The following HACE1 variants were observed in gnomAD, a reference collection of about 807,000 sequenced individuals.
HACE1 encodes the protein E3 ubiquitin-protein ligase HACE1.
In HACE1, 73 loss-of-function variants were observed where a neutral mutation model predicts 118.4. That is an observed-to-expected ratio of 0.62 (90% CI 0.51 to 0.75). The LOEUF (loss-of-function observed/expected upper bound fraction) is 0.75, where lower values mean the gene tolerates loss of function less well. Ranked by LOEUF, HACE1 falls within the 30% of genes least tolerant of loss-of-function variation. The pLI, the probability that HACE1 is intolerant of heterozygous loss-of-function variation, is 0.00. For synonymous variants in HACE1, 368 were observed against 374.8 expected (o/e 0.98, Z 0.21); for missense variants, 749 against 1,102.2 (o/e 0.68, Z 4.54).
At chr6:104,809,474 T>C (rs1319362243) in intron 7 of HACE1, among the ~76,000 whole-genome samples, 3 of 151,956 alleles carry the variant, frequency 2.0e-5, no homozygotes, top group Admixed American at 6.6e-5. Context: ...GCTGAAAGAG[T>C]TGGTTGCATT....
At chr6:104,806,500 T>A (rs572555636) in intron 7 of HACE1, among the ~76,000 whole-genome samples, 1 of 152,224 alleles carries the variant, frequency 6.6e-6, no homozygotes, top group East Asian at 1.9e-4. Flanking sequence ...ATTTTTTAAA[T>A]AGATTTAAAA....
intron 9 of HACE1, among the ~76,000 whole-genome samples, 199 bp downstream of exon 9, chr6:104,796,456 A>G (rs1298904780): frequency 5.9e-5 from 9 of 152,144 alleles, no homozygotes; most frequent in Admixed American, 5.9e-4. Flanking sequence ...AGGGCAGAAG[A>G]TTTATATGGC....
chr6:104,756,279 G>A (rs1778627696), intron 19 of HACE1, among the ~76,000 whole-genome samples: 1 of 151,674 alleles, frequency 6.6e-6, no homozygotes, highest in African/African-American at 2.4e-5. Context: ...AGGCATGGTG[G>A]TGCATGCCTG....
intron 19 of HACE1, among the ~76,000 whole-genome samples, chr6:104,758,531 CA>C (rs1376662703): frequency 6.8e-6 from 1 of 148,058 alleles, no homozygotes; most frequent in African/African-American, 2.5e-5. Context: ...GCCTGACTTG[CA>C]AGAGCTCCTG....
Position 104,843,813 on chromosome 6 carries a change from C to CT in HACE1, c.327-516dup, listed in dbSNP as rs1178873159. On this transcript the variant is annotated intron_variant, in intron 4 of 23. Transcript: ENST00000262903. ...GGGTGAGGAGGGGGATGTAGAGATT[C>CT]TTTTTTTTTTAAGTTATTTGTATTG... 6.6e-4 allele frequency among the ~76,000 whole-genome samples: 97 copies of CT among 146,390 alleles called. 1 individual carries two copies. The highest frequency in any genetic ancestry group is 3.3e-3 in the Admixed American group (48 of 14,702).
chr6:104,802,286 C>A (rs1770463339), intron 7 of HACE1, among the ~76,000 whole-genome samples: 1 of 152,196 alleles, frequency 6.6e-6, no homozygotes, highest in Non-Finnish European at 1.5e-5. Context: ...AAACACCCCA[C>A]TGTCAATAAT....
intron 7 of HACE1, among the ~76,000 whole-genome samples, chr6:104,808,868 T>C (rs1306936646): frequency 5.3e-5 from 8 of 152,196 alleles, no homozygotes; most frequent in African/African-American, 1.9e-4. Context: ...TCTACAACAA[T>C]GATTTTTTGG....
intron 19 of HACE1, among the ~76,000 whole-genome samples, chr6:104,755,498 C>T (rs910657746): frequency 6.6e-6 from 1 of 152,218 alleles, no homozygotes; most frequent in South Asian, 2.1e-4. Context: ...CACCACATGA[C>T]ACTTATTCTG....
At chr6:104,803,205 C>T (rs759272071) in intron 7 of HACE1, among the ~76,000 whole-genome samples, 1 of 152,124 alleles carries the variant, frequency 6.6e-6, no homozygotes, top group Non-Finnish European at 1.5e-5. Flanking sequence ...AATTAATAGC[C>T]TACCAACCAA....
intron 11 of HACE1, among the ~76,000 whole-genome samples, chr6:104,789,216 AT>A (rs1410944293): frequency 1.3e-5 from 2 of 152,128 alleles, no homozygotes; most frequent in Non-Finnish European, 2.9e-5. Context: ...CAAAGATTCC[AT>A]GTTTCATTCA....
intron 6 of HACE1, among the ~76,000 whole-genome samples, chr6:104,827,768 A>G (rs1181941967): frequency 6.6e-6 from 1 of 152,124 alleles, no homozygotes; most frequent in Admixed American, 6.5e-5. Flanking sequence ...ATACCAAGAG[A>G]GCTGACTGAA....
chr6:104,839,469 A>G (rs945770959), intron 5 of HACE1, among the ~76,000 whole-genome samples: 74 of 152,320 alleles, frequency 4.9e-4, no homozygotes, highest in African/African-American at 1.5e-3. Flanking sequence ...TCTTGAAATG[A>G]CTAATGGAGA....
intron 12 of HACE1, 59 bp from the exon 13 acceptor site, chr6:104,784,544 G>T: frequency 8.7e-7 from 1 of 1,154,236 alleles, no homozygotes; most frequent in South Asian, 1.2e-5. Flanking sequence ...ATAATATAGC[G>T]AACTTGATAA....
At chr6:104,792,283 A>G (rs1351083092) in intron 10 of HACE1, among the ~76,000 whole-genome samples, 1 of 152,186 alleles carries the variant, frequency 6.6e-6, no homozygotes, top group Non-Finnish European at 1.5e-5. Flanking sequence ...ACCATGAAAA[A>G]AGAAAAGACT....
chr6:104,812,121 A>T (rs376428689), intron 6 of HACE1, among the ~76,000 whole-genome samples: 2 of 33,526 alleles, frequency 6.0e-5, no homozygotes, highest in Non-Finnish European at 1.1e-4. Context: ...GAAAACCTTT[A>T]AAAAAAAAAA....
chr6:104,771,555 T>A (rs952541074), intron 18 of HACE1, among the ~76,000 whole-genome samples, 166 bp from the exon 19 acceptor site: 5 of 152,170 alleles, frequency 3.3e-5, no homozygotes, highest in African/African-American at 1.2e-4. Flanking sequence ...GTCTGTTAAA[T>A]TAATTCTGTG....
At chr6:104,731,300 A>G (rs771553063) in intron 22 of HACE1, 1 of 152,148 alleles carries the variant, frequency 6.6e-6, no homozygotes, top group Non-Finnish European at 1.5e-5. Context: ...TACTAAATAC[A>G]TACTTGCAAA....
Position 104,852,149 on chromosome 6 carries a change from A to G in HACE1, c.131+168T>C, listed in dbSNP as rs560569688. On this transcript the variant is annotated intron_variant, in intron 2 of 23. Coordinates refer to ENST00000262903, the MANE Select transcript of HACE1 (RefSeq NM_020771.4). The stretch of plus-strand genomic sequence containing the variant: ...TTCCTTATTTCACACACACAAAATT[A>G]TAACAGAAAAGTTAAATAACTTGCC... 3.9e-5 allele frequency among the ~76,000 whole-genome samples: 6 copies of G among 152,168 alleles called. No individual in the cohort carries two copies. The East Asian group carries it at 5.8e-4, about 15-fold the overall frequency.
In HACE1 at chr6:104,853,216, T is replaced by C. The variant is rs1562517386; in HGVS notation, c.77-845A>G. Among the ~76,000 whole-genome samples the C allele has an allele frequency of 5.9e-5, 9 of 152,346 alleles. No homozygotes were observed. In the South Asian group the frequency reaches 1.9e-3, roughly 32 times the overall value. ...CCATGGGATGACTCTTACTCGATGC[T>C]GGTGCCACACTGTTGGACTTCCCAG... On this transcript the variant is annotated intron_variant, in intron 1 of 23. Coordinates refer to ENST00000262903, the MANE Select transcript of HACE1 (RefSeq NM_020771.4).
Sources: gnomAD v4.1 joint callset for allele counts (sites outside exome capture counted in the v4.1 genomes callset) on GRCh38, gnomAD v4.1.1 for gene constraint, MANE v1.5 for transcripts, NCBI Gene and HGNC (gene_info 2026-07-23, HGNC 2026-07-21) for gene names.